The following PDE4D variants were observed in gnomAD, a reference collection of about 807,000 sequenced individuals.
PDE4D encodes the protein phosphodiesterase 4D.
In PDE4D, 24 loss-of-function variants were observed where a neutral mutation model predicts 87.4. That is an observed-to-expected ratio of 0.27 (90% CI 0.20 to 0.39). The LOEUF (loss-of-function observed/expected upper bound fraction) is 0.39. Ranked by LOEUF, PDE4D falls within the 10% of genes least tolerant of loss-of-function variation. The pLI, the probability that PDE4D is intolerant of heterozygous loss-of-function variation, is 1.00. For synonymous variants in PDE4D, 384 were observed against 383.2 expected (o/e 1.00, Z -0.02); for missense variants, 714 against 1,041.0 (o/e 0.69, Z 4.32).
chr5:59,944,879 T>A (rs940763287), intron 3 of PDE4D, among the ~76,000 whole-genome samples: 1 of 152,184 alleles, frequency 6.6e-6, no homozygotes, highest in African/African-American at 2.4e-5. Context: ...CATCTTAATC[T>A]TCTTTACTCT....
At chr5:59,780,101 C>T (rs1420021631) in intron 1 of PDE4D, among the ~76,000 whole-genome samples, 5 of 152,078 alleles carry the variant, frequency 3.3e-5, no homozygotes, top group Non-Finnish European at 7.3e-5. Flanking sequence ...CGGTGGCTCA[C>T]GCCTGTAATC....
chr5:59,162,193 T>C (rs1365237865), intron 5 of PDE4D, among the ~76,000 whole-genome samples: 2 of 152,310 alleles, frequency 1.3e-5, no homozygotes, highest in East Asian at 3.9e-4. Context: ...ATTTATTGCA[T>C]TAACTTGGTT....
intron 1 of PDE4D, among the ~76,000 whole-genome samples, chr5:60,302,942 G>T (rs1348720766): frequency 6.6e-6 from 1 of 152,034 alleles, no homozygotes; most frequent in African/African-American, 2.4e-5. Context: ...AGATTGTCCT[G>T]CCTCAGGCTC....
intron 1 of PDE4D, among the ~76,000 whole-genome samples, chr5:60,204,174 C>T (rs1742237598): frequency 6.6e-6 from 1 of 152,142 alleles, no homozygotes; most frequent in African/African-American, 2.4e-5. Context: ...TGTCTTTTAT[C>T]TGTCTGTCTG....
At chr5:60,328,841 CT>C (rs1757042026) in intron 1 of PDE4D, among the ~76,000 whole-genome samples, 1 of 148,862 alleles carries the variant, frequency 6.7e-6, no homozygotes, top group African/African-American at 2.4e-5. Flanking sequence ...AATCTTTTCC[CT>C]TTTTTCCCTG....
At chr5:60,293,879 G>T (rs1753144554) in intron 1 of PDE4D, among the ~76,000 whole-genome samples, 1 of 152,134 alleles carries the variant, frequency 6.6e-6, no homozygotes, top group Admixed American at 6.5e-5. Flanking sequence ...GTGGGTTTAT[G>T]AATATTTTAA....
Position 58,970,100 on chromosome 5 carries a change from C to G in PDE4D, c.*4564G>C, listed in dbSNP as rs1561188430. The G allele has an allele frequency of 6.6e-6, 1 of 152,086 alleles. No individual in the cohort carries two copies. The highest frequency in any genetic ancestry group is 1.5e-5 in the Non-Finnish European group (1 of 68,008). 9.4% of individuals were successfully genotyped at this position (152,086 alleles called of 1,614,324 possible). On this transcript the variant is annotated 3_prime_UTR_variant, in exon 15 of 15. Coordinates refer to ENST00000340635, the MANE Select transcript of PDE4D (RefSeq NM_001104631.2). ...CAGAATCAACCCATGCTTTTATTTT[C>G]ATTGCATATAAAAATTTCATATGAA... is the stretch of plus-strand genomic sequence containing the variant.
chr5:59,373,328 G>C (rs887647428), intron 1 of PDE4D, among the ~76,000 whole-genome samples: 1 of 152,142 alleles, frequency 6.6e-6, no homozygotes, highest in Non-Finnish European at 1.5e-5. Flanking sequence ...GTATAGACAA[G>C]AATGTCACCA....
chr5:59,687,261 C>G (rs1035114854), intron 1 of PDE4D, among the ~76,000 whole-genome samples: 1 of 151,966 alleles, frequency 6.6e-6, no homozygotes, highest in Non-Finnish European at 1.5e-5. Flanking sequence ...AGAGCAACTC[C>G]AAGACACATA....
At chr5:59,202,717 C>T (rs1483688158) in intron 2 of PDE4D, among the ~76,000 whole-genome samples, 1 of 152,004 alleles carries the variant, frequency 6.6e-6, no homozygotes, top group Non-Finnish European at 1.5e-5. Flanking sequence ...AAGAGGAGGT[C>T]CCCTGCTCAA....
chr5:59,644,854 G>T (rs896448181), intron 1 of PDE4D, among the ~76,000 whole-genome samples: 2 of 152,098 alleles, frequency 1.3e-5, no homozygotes, highest in East Asian at 3.9e-4. Flanking sequence ...CAATGCCATT[G>T]GTTCTTTAAA....
rs577364398 is a variant in PDE4D, at chr5:59,644,767, C to T, written c.455+248401G>A. Among the ~76,000 whole-genome samples, 6 of 152,096 alleles carry T rather than the reference C, an allele frequency of 3.9e-5. No homozygotes were observed. In the South Asian group the frequency reaches 1.0e-3, roughly 26 times the overall value. On this transcript the variant is annotated intron_variant, in intron 1 of 14. Transcript: ENST00000340635. ...ATTCTCAGCTTCTCGAGGACTATGC[C>T]GAAAAACCTAAAGGATAATCCAGGT...
intron 1 of PDE4D, among the ~76,000 whole-genome samples, chr5:59,231,499 A>G (rs1581506038): frequency 1.3e-5 from 2 of 152,202 alleles, no homozygotes; most frequent in Admixed American, 6.5e-5. Flanking sequence ...TAGAAACAGA[A>G]GGTGGGAGAA....
chr5:60,451,011 CTT>C (rs2150151538), intron 1 of PDE4D, among the ~76,000 whole-genome samples: 1 of 152,072 alleles, frequency 6.6e-6, no homozygotes, highest in African/African-American at 2.4e-5. Flanking sequence ...AAAAATAGAA[CTT>C]ATAATCTTCA....
In PDE4D at chr5:59,200,272, T is replaced by C. The variant is rs533481245; in HGVS notation, c.648-6736A>G. ...CTACACGTATACATACATATGTGTA[T>C]GTACAGCTACAAGTATACATACATA... On this transcript the variant is annotated intron_variant, in intron 2 of 14. Transcript: ENST00000340635. Among the ~76,000 whole-genome samples, 319 of 127,402 alleles carry C rather than the reference T, an allele frequency of 2.5e-3. 13 individuals are homozygous for C. The highest frequency in any genetic ancestry group is 3.1e-3 in the African/African-American group (85 of 27,568). 83.6% of individuals were successfully genotyped at this position (127,402 alleles called of 152,430 possible). A position where few individuals can be genotyped will look rare whatever the true frequency, so the allele number is the denominator to read the frequency against.
chr5:59,856,464 G>A (rs138110018), intron 1 of PDE4D, among the ~76,000 whole-genome samples: 1 of 152,086 alleles, frequency 6.6e-6, no homozygotes, highest in Non-Finnish European at 1.5e-5. Context: ...ACACATCAAT[G>A]GAAAAATAAA....
intron 1 of PDE4D, among the ~76,000 whole-genome samples, chr5:59,571,883 A>T (rs1821903383): frequency 6.6e-6 from 1 of 152,234 alleles, no homozygotes; most frequent in Admixed American, 6.5e-5. Flanking sequence ...CATTTCTGAA[A>T]GAACAACTTA....
At chr5:58,976,144 A>C (rs1580026078) in intron 13 of PDE4D, among the ~76,000 whole-genome samples, 2 of 152,164 alleles carry the variant, frequency 1.3e-5, no homozygotes, top group South Asian at 4.1e-4. Context: ...TAGTTTTTTT[A>C]ATTAATGTAG....
chr5:59,256,620 T>C (rs1258690606), intron 1 of PDE4D, among the ~76,000 whole-genome samples: 5 of 152,094 alleles, frequency 3.3e-5, no homozygotes, highest in Non-Finnish European at 5.9e-5. Context: ...GTTTTGATGA[T>C]GTTACTGAGT....
Sources: gnomAD v4.1 joint callset for allele counts (sites outside exome capture counted in the v4.1 genomes callset) on GRCh38, gnomAD v4.1.1 for gene constraint, MANE v1.5 for transcripts, NCBI Gene and HGNC (gene_info 2026-07-23, HGNC 2026-07-21) for gene names.